PRDM8: variants seen among roughly 807,000 people sequenced by gnomAD.
The protein encoded by PRDM8 is PR domain zinc finger protein 8.
In PRDM8, 13 loss-of-function variants were observed where a neutral mutation model predicts 46.5. That is an observed-to-expected ratio of 0.28 (90% CI 0.18 to 0.44). The LOEUF (loss-of-function observed/expected upper bound fraction) is 0.44. Ranked by LOEUF, PRDM8 falls within the 20% of genes least tolerant of loss-of-function variation. PRDM8 has a pLI of 1.00. For missense variants in PRDM8, 998 were observed against 955.0 expected (o/e 1.04, Z -0.59); for synonymous variants, 473 against 438.4 (o/e 1.08, Z -0.98).
intron 2 of PRDM8, 79 bp from the exon 3 acceptor site, chr4:80,201,211 A>T: frequency 7.7e-7 from 1 of 1,304,124 alleles, no homozygotes; most frequent in Admixed American, 2.0e-5. Flanking sequence ...AATGGTCTTG[A>T]TTCTTCTGAT....
chr4:80,186,092 C>T (rs889656779), intron 1 of PRDM8, among the ~76,000 whole-genome samples: 2 of 152,166 alleles, frequency 1.3e-5, no homozygotes, highest in Non-Finnish European at 2.9e-5. Context: ...CAAGGGAAAA[C>T]TTCTCACTGC....
Position 80,202,131 on chromosome 4 carries a change from G to A in PRDM8, c.669G>A (p.Pro223=), listed in dbSNP as rs558898961. ...AGCAGCAGGAGGCACCTTTAGGCCC[G>A]GGTCCCAAGTTTTGCAAAGCCGGCC... ...QQQQQEAPLG[P]GPKFCKAGPL... is the part of the protein sequence containing the mutation. Residue 223 remains proline (P), a synonymous_variant, in exon 4 of 4, where the codon CCG becomes CCA. Coordinates refer to ENST00000415738, the MANE Select transcript of PRDM8 (RefSeq NM_001099403.2). 3.1e-6 allele frequency: 5 copies of A among 1,608,882 alleles called. No individual in the cohort carries two copies. The highest frequency in any genetic ancestry group is 2.2e-5 in the East Asian group (1 of 44,580).
chr4:80,192,258 T>C (rs1227573657), intron 2 of PRDM8, among the ~76,000 whole-genome samples: 1 of 152,134 alleles, frequency 6.6e-6, no homozygotes, highest in Non-Finnish European at 1.5e-5. Context: ...GCCCAGGATA[T>C]ATATGCTGTG....
chr4:80,204,076 A>G lies in PRDM8; in HGVS notation c.*544A>G, dbSNP rs547258372. ...TACAAAAATAAACAAAATGAATAAA[A>G]AGGGATCACCATTCAATTTGAGTTT... On this transcript the variant is annotated 3_prime_UTR_variant, in exon 4 of 4. Coordinates refer to ENST00000415738, the MANE Select transcript of PRDM8 (RefSeq NM_001099403.2). 1 of 152,902 alleles carries G rather than the reference A, an allele frequency of 6.5e-6. No individual in the cohort carries two copies. The highest frequency in any genetic ancestry group is 2.1e-4 in the South Asian group (1 of 4,834). The allele number at this position is 152,902 out of a possible 1,614,324, so 9.5% of individuals were successfully genotyped here. A position where few individuals can be genotyped will look rare whatever the true frequency, so the allele number is the denominator to read the frequency against.
Position 80,203,220 on chromosome 4 carries a change from CGCTGCCGCTGCAGCCGCGGCT to C in PRDM8, c.1761_1781del (p.Ala592_Ala598del), listed in dbSNP as rs1266628886. On this transcript the variant is annotated inframe_deletion, in exon 4 of 4. Transcript: ENST00000415738. ...CCACCGCCTTCTGGCCCAAGAGCTC[CGCTGCCGCTGCAGCCGCGGCT>C]GCGGCGGCGGCCGCGGGGCCCTTGC... 2.6e-6 allele frequency: 4 copies of C among 1,552,740 alleles called. No homozygotes were observed. In the African/African-American group the frequency reaches 5.5e-5, roughly 21 times the overall value.
intron 1 of PRDM8, among the ~76,000 whole-genome samples, chr4:80,189,234 TC>T (rs1737356544): frequency 6.6e-6 from 1 of 152,002 alleles, no homozygotes; most frequent in Non-Finnish European, 1.5e-5. Flanking sequence ...TCCTACGGAG[TC>T]GCCCGGATCA....
upstream of PRDM8, chr4:80,196,363 T>A (rs1292957828): frequency 1.0e-6 from 1 of 985,308 alleles, no homozygotes; most frequent in Non-Finnish European, 1.2e-6. Flanking sequence ...AGTAGAGAAT[T>A]GAACTGTGAA....
Position 80,202,213 on chromosome 4 carries a change from G to T in PRDM8, c.751G>T (p.Gly251Cys). 1 of 1,611,854 alleles carries T rather than the reference G, an allele frequency of 6.2e-7. No homozygotes were observed. ...AAGCAGCAACCCATCCGCTGCCGCC[G>T]GCGGCAGCAGCGCGAAGCCATCCAC... ...PESSNPSAAA[G>C]GSSAKPSTDF... Residue 251 changes from glycine (G) to cysteine (C), a missense_variant, in exon 4 of 4, where the codon GGC (glycine) becomes TGC (cysteine). Gly to Cys is a radical substitution (Grantham distance 159). Coordinates refer to ENST00000415738, the MANE Select transcript of PRDM8 (RefSeq NM_001099403.2).
chr4:80,196,166 C>T (rs992305877), upstream of PRDM8: 3 of 927,820 alleles, frequency 3.2e-6, no homozygotes, highest in Non-Finnish European at 3.9e-6. Context: ...ATTATTTCAA[C>T]ACTAGGAAAA....
upstream of PRDM8, among the ~76,000 whole-genome samples, chr4:80,195,321 C>T (rs887194104): frequency 1.3e-5 from 2 of 152,136 alleles, no homozygotes; most frequent in Non-Finnish European, 1.5e-5. Context: ...TTGTTTACAC[C>T]CGTGCCTCTT....
At chr4:80,190,241 C>A (rs1195911835) in intron 1 of PRDM8, 1 of 152,200 alleles carries the variant, frequency 6.6e-6, no homozygotes, top group Non-Finnish European at 1.5e-5. Context: ...CGCCTTTCCG[C>A]AGGTTAAGTG....
chr4:80,196,122 A>T, upstream of PRDM8: 1 of 970,490 alleles, frequency 1.0e-6, no homozygotes, highest in Non-Finnish European at 1.2e-6. Flanking sequence ...TCAAACTAAC[A>T]TGGTAAGCTG....
At position 80,198,306 on chromosome 4, in the gene PRDM8, C is replaced by T. The variant is rs142320987; in HGVS notation, c.-3+543C>T. 4.7e-3 allele frequency among the ~76,000 whole-genome samples: 715 copies of T among 152,172 alleles called. 8 individuals are homozygous for T. The highest frequency in any genetic ancestry group is 0.016 in the African/African-American group (669 of 41,488). On this transcript the variant is annotated intron_variant, in intron 1 of 3. Transcript: ENST00000415738. ...TAATGACTGTGTCCCTGCTGTTGCC[C>T]GAAGTGACGGGGCGACCTCCCGGCA...
intron 1 of PRDM8, among the ~76,000 whole-genome samples, chr4:80,198,911 G>A (rs1199084661): frequency 1.4e-5 from 2 of 144,242 alleles, no homozygotes; most frequent in Admixed American, 1.4e-4. Context: ...ATTTTGATTA[G>A]TCTGAAATAC....
At chr4:80,198,653 G>A (rs1738153311) in intron 1 of PRDM8, among the ~76,000 whole-genome samples, 1 of 152,174 alleles carries the variant, frequency 6.6e-6, no homozygotes, top group African/African-American at 2.4e-5. Context: ...TGGAAAATGA[G>A]GCTAACCAAA....
upstream of PRDM8, chr4:80,197,392 C>T (rs1359684217): frequency 7.2e-6 from 7 of 977,552 alleles, no homozygotes; most frequent in South Asian, 9.5e-5. Context: ...CAGGCGGCGC[C>T]GGAGGGAGCG....
chr4:80,201,875 T>TG, intron 3 of PRDM8, 39 bp from the exon 4 acceptor site: 1 of 1,488,558 alleles, frequency 6.7e-7, no homozygotes, highest in Non-Finnish European at 9.0e-7. Flanking sequence ...TGTGTGTGTG[T>TG]GCGTGCGTGC....
Position 80,200,354 on chromosome 4 carries a change from G to C in PRDM8, c.219+55G>C, listed in dbSNP as rs368136405. On this transcript the variant is annotated intron_variant, in intron 2 of 3. Transcript: ENST00000415738. Reference sequence around the variant, plus strand: ...ATGAGGGTAATGTCCTGTTGGAAATGGACTAAAAATAATTATAATGACAAG... The same window carrying C: ...ATGAGGGTAATGTCCTGTTGGAAATCGACTAAAAATAATTATAATGACAAG... 2.7e-6 allele frequency: 4 copies of C among 1,457,874 alleles called. No homozygotes were observed. The East Asian group carries it at 9.1e-5, about 33-fold the overall frequency. 90.3% of individuals were successfully genotyped at this position (1,457,874 alleles called of 1,614,324 possible).
rs141136400 is a variant in PRDM8, at chr4:80,190,421, G to T, written c.-982-1051G>T. ...CCACACTGCCCCACATTCACGGTTT[G>T]CGCACTGTGCGTCTACAAGGGCGAC... On this transcript the variant is annotated intron_variant, in intron 1 of 9. Coordinates refer to the PRDM8 transcript ENST00000339711. Among the ~76,000 whole-genome samples, 100 of 152,352 alleles carry T rather than the reference G, an allele frequency of 6.6e-4. 2 individuals carry two copies. The East Asian group carries it at 0.018, about 28-fold the overall frequency.
Sources: gnomAD v4.1 joint callset for allele counts (sites outside exome capture counted in the v4.1 genomes callset) on GRCh38, gnomAD v4.1.1 for gene constraint, MANE v1.5 for transcripts, NCBI Gene and HGNC (gene_info 2026-07-23, HGNC 2026-07-21) for gene names.